The following PPP1R17 variants were observed in gnomAD, a reference collection of about 807,000 sequenced individuals.
PPP1R17 encodes the protein G-substrate.
A neutral mutation model predicts 15.9 loss-of-function variants in PPP1R17; 12 were observed. That is an observed-to-expected ratio of 0.75 (90% confidence interval 0.48 to 1.22). The LOEUF is 1.22. Among genes scored for constraint, PPP1R17 ranks in the 50% most tolerant of loss-of-function variants. PPP1R17 has a pLI of 0.00. For missense variants in PPP1R17, 211 were observed against 187.3 expected, an observed-to-expected ratio of 1.13 and a Z score of -0.74; for synonymous variants, 63 against 64.5, an observed-to-expected ratio of 0.98 and a Z score of 0.11.
At chr7:31,695,845 A>C in intron 3 of PPP1R17, 1 of 361,974 alleles carries the variant, frequency 2.8e-6, no homozygotes, top group Non-Finnish European at 4.8e-6. Context: ...TTTACCTACC[A>C]ATAGTGAAAC....
intron 2 of PPP1R17, 128 bp downstream of exon 2, chr7:31,692,651 C>T: frequency 1.3e-6 from 1 of 765,636 alleles, no homozygotes; most frequent in Non-Finnish European, 2.2e-6. Context: ...CTTCTGGTGA[C>T]AGCCAACACC....
In PPP1R17 at chr7:31,695,559, C is replaced by T; in HGVS notation, c.173C>T (p.Ser58Leu). 6.2e-7 allele frequency: 1 copy of T among 1,613,762 alleles called. No homozygotes were observed. The highest frequency in any genetic ancestry group is 1.1e-5 in the South Asian group (1 of 91,028). Residue 58 changes from serine (S) to leucine (L), a missense_variant, in exon 3 of 5, where the codon TCA (serine) becomes TTA (leucine). By Grantham distance (145) the Ser-to-Leu change is moderately radical. Coordinates refer to ENST00000342032, the MANE Select transcript of PPP1R17 (RefSeq NM_006658.5). ...GTACAGGCCACCCTGAATGTTGAGT[C>T]AGACCAAAAAAAACCAAGGAGGAAA... ...KNVQATLNVE[S>L]DQKKPRRKDT...
intron 2 of PPP1R17, among the ~76,000 whole-genome samples, chr7:31,694,491 C>A (rs934296432): frequency 1.3e-5 from 2 of 151,998 alleles, no homozygotes; most frequent in Non-Finnish European, 2.9e-5. Flanking sequence ...TGCAAGTTCT[C>A]AGAACTAGAA....
intron 4 of PPP1R17, among the ~76,000 whole-genome samples, chr7:31,700,568 C>CT (rs1367836026): frequency 6.6e-6 from 1 of 152,150 alleles, no homozygotes; most frequent in Non-Finnish European, 1.5e-5. Flanking sequence ...GTGAGAGTGG[C>CT]TACACTAAAC....
intron 4 of PPP1R17, among the ~76,000 whole-genome samples, chr7:31,705,127 C>G (rs933715187): frequency 1.3e-5 from 2 of 152,186 alleles, no homozygotes; most frequent in African/African-American, 4.8e-5. Flanking sequence ...CTCTTGTGGA[C>G]AGCCCAGCCT....
At chr7:31,698,004 A>G (rs895890560) in intron 4 of PPP1R17, among the ~76,000 whole-genome samples, 1 of 152,218 alleles carries the variant, frequency 6.6e-6, no homozygotes, top group African/African-American at 2.4e-5. Flanking sequence ...ATGAACAGAT[A>G]AAATTATGAT....
At chr7:31,700,702 T>G (rs1792811196) in intron 4 of PPP1R17, among the ~76,000 whole-genome samples, 1 of 152,100 alleles carries the variant, frequency 6.6e-6, no homozygotes, top group Non-Finnish European at 1.5e-5. Context: ...CCAACTCTCT[T>G]GTTAGGGGAT....
In PPP1R17 at chr7:31,695,543, A is replaced by T. The variant is rs1363305771; in HGVS notation, c.157A>T (p.Thr53Ser). 2 of 1,613,908 alleles carry T rather than the reference A, an allele frequency of 1.2e-6. No homozygotes were observed. Among genetic ancestry groups the T allele is most frequent in the Non-Finnish European group, 1.7e-6 (2 of 1,179,930 alleles). ...TAGAAAGGGAAAAAATGTACAGGCC[A>T]CCCTGAATGTTGAGTCAGACCAAAA... ...KPRKGKNVQATLNVESDQKKP... is the reference protein window; with the variant it reads ...KPRKGKNVQASLNVESDQKKP... Residue 53 changes from threonine (T) to serine (S), a missense_variant, in exon 3 of 5, where the codon ACC (threonine) becomes TCC (serine). Transcript: ENST00000342032.
chr7:31,697,517 A>G (rs1008128945), intron 4 of PPP1R17, among the ~76,000 whole-genome samples: 1 of 152,216 alleles, frequency 6.6e-6, no homozygotes, highest in African/African-American at 2.4e-5. Context: ...AGACAGAAAA[A>G]GAGATGCAGA....
chr7:31,705,310 T>C (rs1793020418), intron 4 of PPP1R17, among the ~76,000 whole-genome samples: 1 of 152,170 alleles, frequency 6.6e-6, no homozygotes, highest in Admixed American at 6.5e-5. Flanking sequence ...TTGCCCACTT[T>C]GAATCAACTC....
chr7:31,702,206 TA>T (rs1363557472), intron 4 of PPP1R17, among the ~76,000 whole-genome samples: 4 of 125,174 alleles, frequency 3.2e-5, no homozygotes, highest in African/African-American at 1.3e-4. Context: ...CACCCTTATT[TA>T]TTTTTTTTTT....
chr7:31,698,803 T>G (rs867864853), intron 4 of PPP1R17, among the ~76,000 whole-genome samples: 10 of 152,304 alleles, frequency 6.6e-5, no homozygotes, highest in Middle Eastern at 3.4e-3. Context: ...ATTTCCAAGG[T>G]GCACAGGAAA....
At chr7:31,691,029 T>C (rs987885316) in intron 1 of PPP1R17, among the ~76,000 whole-genome samples, 4 of 152,152 alleles carry the variant, frequency 2.6e-5, no homozygotes, top group East Asian at 3.9e-4. Flanking sequence ...GATGTTCCCA[T>C]GGCCCATCCA....
chr7:31,690,999 C>A (rs1473210203), intron 1 of PPP1R17, among the ~76,000 whole-genome samples: 1 of 152,132 alleles, frequency 6.6e-6, no homozygotes, highest in Non-Finnish European at 1.5e-5. Context: ...TGCCTTGAGA[C>A]CTCAGCACTC....
chr7:31,705,986 A>ATTTTTTTTTTTTTTTTTTTTTTTTTTTT lies in PPP1R17; in HGVS notation c.389-1209_389-1182dup, dbSNP rs550189867. 5.7e-5 allele frequency among the ~76,000 whole-genome samples: 3 copies of ATTTTTTTTTTTTTTTTTTTTTTTTTTTT among 52,486 alleles called. 1 individual carries two copies. The highest frequency in any genetic ancestry group is 1.1e-4 in the Non-Finnish European group (3 of 28,276). 34.4% of individuals were successfully genotyped at this position (52,486 alleles called of 152,430 possible). ...GACTTCTGAATTTCACAGACCAGTA[A>ATTTTTTTTTTTTTTTTTTTTTTTTTTTT]TTTTTTTTTTTTTTTTTTTTTTTTT... is the stretch of plus-strand genomic sequence containing the variant. On this transcript the variant is annotated intron_variant, in intron 4 of 4. Transcript: ENST00000342032.
chr7:31,692,747 G>C (rs976354462), intron 2 of PPP1R17, among the ~76,000 whole-genome samples: 2 of 152,188 alleles, frequency 1.3e-5, no homozygotes. Flanking sequence ...ATTAGACAGA[G>C]AGAGAGAAAG....
chr7:31,702,673 T>G (rs1792902861), intron 4 of PPP1R17, among the ~76,000 whole-genome samples: 1 of 152,242 alleles, frequency 6.6e-6, no homozygotes, highest in African/African-American at 2.4e-5. Context: ...CTGCTTAAAT[T>G]GACTTACATC....
At chr7:31,688,652 G>A (rs148222026) in intron 1 of PPP1R17, among the ~76,000 whole-genome samples, 1 of 152,282 alleles carries the variant, frequency 6.6e-6, no homozygotes, top group African/African-American at 2.4e-5. Context: ...GCTCTTAGTG[G>A]TATTTGCATT....
At chr7:31,697,449 G>C (rs975371235) in intron 4 of PPP1R17, among the ~76,000 whole-genome samples, 10 of 152,146 alleles carry the variant, frequency 6.6e-5, no homozygotes, top group Non-Finnish European at 1.0e-4. Context: ...CGGATTTTGC[G>C]TCTTATGGCT....
Sources: allele counts gnomAD v4.1 joint callset (sites outside exome capture counted in the v4.1 genomes callset), GRCh38; gene constraint gnomAD v4.1.1; transcripts MANE v1.5; gene names NCBI Gene and HGNC (gene_info 2026-07-23, HGNC 2026-07-21).